PTPN13: variants seen among roughly 807,000 people sequenced by gnomAD.
The protein encoded by PTPN13 is protein tyrosine phosphatase non-receptor type 13, also known as tyrosine-protein phosphatase non-receptor type 13.
In PTPN13, 191 loss-of-function variants were observed where a neutral mutation model predicts 284.0. The observed-to-expected ratio is 0.67, with a 90% CI of 0.60 to 0.76. The LOEUF is 0.76. PTPN13 is among the 30% of genes least tolerant of loss of function. The pLI, the probability that PTPN13 is intolerant of heterozygous loss-of-function variation, is 0.00. For synonymous variants in PTPN13, 986 were observed against 1,022.3 expected (o/e 0.96, Z 0.68); for missense variants, 2,797 against 2,939.9 (o/e 0.95, Z 1.12).
intron 40 of PTPN13, among the ~76,000 whole-genome samples, chr4:86,792,400 A>G (rs1742793771): frequency 6.6e-6 from 1 of 152,214 alleles, no homozygotes; most frequent in Non-Finnish European, 1.5e-5. Context: ...ACCGGAAAGG[A>G]CAGGCAGAAT....
chr4:86,667,541 T>C lies in PTPN13; in HGVS notation c.116-4824T>C, dbSNP rs888833086. Among the ~76,000 whole-genome samples the C allele has an allele frequency of 2.6e-5, 4 of 152,188 alleles. No individual in the cohort carries two copies. In the East Asian group the frequency reaches 7.7e-4, roughly 29 times the overall value. On this transcript the variant is annotated intron_variant, in intron 2 of 47. Transcript: ENST00000411767. ...AAACTATCAAGAAAATGTTAAAATG[T>C]AGGGGAACTATTCTGAACCATTTAT...
intron 10 of PTPN13, among the ~76,000 whole-genome samples, chr4:86,725,008 C>G (rs572169744): frequency 6.7e-6 from 1 of 149,364 alleles, no homozygotes; most frequent in Admixed American, 6.7e-5. Flanking sequence ...TGATGTTTCC[C>G]GCCCCGTGTC....
chr4:86,671,033 A>T (rs758928649), intron 2 of PTPN13, among the ~76,000 whole-genome samples: 8 of 152,222 alleles, frequency 5.3e-5, no homozygotes, highest in Non-Finnish European at 8.8e-5. Flanking sequence ...GCAACCTAAG[A>T]TGTGCTGACT....
chr4:86,786,206 A>C (rs1362750173), intron 40 of PTPN13, among the ~76,000 whole-genome samples: 1 of 152,194 alleles, frequency 6.6e-6, no homozygotes, highest in African/African-American at 2.4e-5. Context: ...TTATTCTTTA[A>C]AACCTTAAAA....
intron 1 of PTPN13, among the ~76,000 whole-genome samples, chr4:86,625,365 CCTT>C (rs959640150): frequency 1.3e-5 from 2 of 152,016 alleles, no homozygotes; most frequent in African/African-American, 4.8e-5. Context: ...TCTTTATCTA[CCTT>C]CTTCTTACTT....
chr4:86,665,360 C>T (rs1402057652), intron 2 of PTPN13, among the ~76,000 whole-genome samples: 1 of 152,162 alleles, frequency 6.6e-6, no homozygotes, highest in Non-Finnish European at 1.5e-5. Context: ...AATATTGCAA[C>T]TTGTATTACA....
At chr4:86,689,224 A>G in intron 5 of PTPN13, 34 bp downstream of exon 5, 1 of 1,568,386 alleles carries the variant, frequency 6.4e-7, no homozygotes, top group Non-Finnish European at 8.7e-7. Flanking sequence ...ATATAGTCAT[A>G]TTTTAAAATT....
intron 2 of PTPN13, among the ~76,000 whole-genome samples, chr4:86,663,484 T>C (rs1726744716): frequency 6.6e-6 from 1 of 152,174 alleles, no homozygotes; most frequent in African/African-American, 2.4e-5. Flanking sequence ...TTCCTCCAGC[T>C]ATACAAAGGG....
intron 6 of PTPN13, among the ~76,000 whole-genome samples, chr4:86,694,349 G>C (rs985228112): frequency 1.3e-5 from 2 of 151,782 alleles, no homozygotes; most frequent in African/African-American, 4.8e-5. Flanking sequence ...GGGAGGCTGA[G>C]GTGGGCGGAT....
intron 15 of PTPN13, among the ~76,000 whole-genome samples, 200 bp downstream of exon 15, chr4:86,735,946 TC>T (rs34084135): frequency 6.6e-6 from 1 of 152,160 alleles, no homozygotes; most frequent in African/African-American, 2.4e-5. Flanking sequence ...AATGTAATGT[TC>T]CCAGAGATAT....
chr4:86,701,764 G>C lies in PTPN13; in HGVS notation c.1158G>C (p.Lys386Asn), dbSNP rs368625914. 99 of 1,613,208 alleles carry C rather than the reference G, an allele frequency of 6.1e-5. No individual in the cohort carries two copies. Among genetic ancestry groups the C allele is most frequent in the Non-Finnish European group, 8.3e-5 (98 of 1,179,684 alleles). The change falls in exon 7 of 48, where the codon AAG (lysine) becomes AAC (asparagine). Residue 386 changes from lysine to asparagine, a missense_variant. Transcript: ENST00000411767. ...TGGACCGAATCCGAGAGAGACAAAAGAAACTTCAGGTTCTGAGGGAAGCCA... is the reference window on the plus strand; with the variant it reads ...TGGACCGAATCCGAGAGAGACAAAACAAACTTCAGGTTCTGAGGGAAGCCA... ...SALDRIRERQ[K>N]KLQVLREAMN...
At chr4:86,642,630 T>A (rs1723945593) in intron 2 of PTPN13, among the ~76,000 whole-genome samples, 1 of 151,840 alleles carries the variant, frequency 6.6e-6, no homozygotes, top group African/African-American at 2.4e-5. Flanking sequence ...TTTTTTTGTA[T>A]TTTTTGTAGA....
intron 30 of PTPN13, among the ~76,000 whole-genome samples, chr4:86,770,631 A>G (rs903003978): frequency 2.0e-5 from 3 of 152,210 alleles, no homozygotes; most frequent in Non-Finnish European, 4.4e-5. Flanking sequence ...AACTCTCTTG[A>G]TGAGCGTATA....
chr4:86,779,286 G>T lies in PTPN13; in HGVS notation c.5892-1116G>T, dbSNP rs560014409. The stretch of plus-strand genomic sequence containing the variant: ...AAAAATCTTAGCCGGGCGTGGTGGC[G>T]GGCGCCTGTAGTCCCAGCTACTCGG... On this transcript the variant is annotated intron_variant, in intron 35 of 47. Coordinates refer to ENST00000411767, the MANE Select transcript of PTPN13 (RefSeq NM_080683.3). Among the ~76,000 whole-genome samples, 809 of 151,962 alleles carry T rather than the reference G, an allele frequency of 5.3e-3. 9 individuals are homozygous for T. Among genetic ancestry groups the T allele is most frequent in the Non-Finnish European group, 6.0e-3 (409 of 67,944 alleles).
intron 1 of PTPN13, among the ~76,000 whole-genome samples, chr4:86,620,659 CAATTA>C (rs1321130830): frequency 6.6e-6 from 1 of 152,124 alleles, no homozygotes; most frequent in Non-Finnish European, 1.5e-5. Flanking sequence ...TGCTACACTG[CAATTA>C]AATTTAATTT....
Position 86,701,418 on chromosome 4 carries a change from C to T in PTPN13, c.812C>T (p.Thr271Ile). 1 of 1,613,694 alleles carries T rather than the reference C, an allele frequency of 6.2e-7. No individual in the cohort carries two copies. Among genetic ancestry groups the T allele is most frequent in the Non-Finnish European group, 8.5e-7 (1 of 1,179,730 alleles). Residue 271 changes from threonine to isoleucine, a missense_variant, in exon 7 of 48, where the codon ACA becomes ATA. By Grantham distance (89) the Thr-to-Ile change is moderately conservative (BLOSUM62 -1). Coordinates refer to ENST00000411767, the MANE Select transcript of PTPN13 (RefSeq NM_080683.3). Reference protein sequence around the residue: ...DNSGREDSENTFSPYQFKTSG... With the variant: ...DNSGREDSENIFSPYQFKTSG... Reference sequence around the variant, plus strand: ...TCTGGACGTGAAGATTCTGAAAATACATTCTCCCCTTACCAGTTCAAAACT... The same window carrying T: ...TCTGGACGTGAAGATTCTGAAAATATATTCTCCCCTTACCAGTTCAAAACT...
intron 20 of PTPN13, among the ~76,000 whole-genome samples, chr4:86,756,833 A>T (rs927887661): frequency 4.6e-5 from 7 of 152,180 alleles, no homozygotes. Context: ...GTCTGTTTTC[A>T]TACTGATTTG....
chr4:86,792,198 A>T (rs986013848), intron 40 of PTPN13, among the ~76,000 whole-genome samples: 1 of 152,220 alleles, frequency 6.6e-6, no homozygotes, highest in Non-Finnish European at 1.5e-5. Flanking sequence ...CAGCACGAGA[A>T]CTTCATGACA....
intron 1 of PTPN13, among the ~76,000 whole-genome samples, chr4:86,606,637 G>A (rs993618006): frequency 1.3e-5 from 2 of 151,776 alleles, no homozygotes; most frequent in African/African-American, 4.8e-5. Flanking sequence ...TCAGATAAAT[G>A]TTTTATTTGG....
Sources: allele counts gnomAD v4.1 joint callset (sites outside exome capture counted in the v4.1 genomes callset), GRCh38; gene constraint gnomAD v4.1.1; transcripts MANE v1.5; gene names NCBI Gene and HGNC (gene_info 2026-07-23, HGNC 2026-07-21).